The following WDR20 variants were observed in gnomAD, a reference collection of about 807,000 sequenced individuals.
WDR20 encodes the protein WD repeat-containing protein 20.
A neutral mutation model predicts 38.7 loss-of-function variants in WDR20; 3 were observed. That is an observed-to-expected ratio of 0.08 (90% CI 0.04 to 0.20). The LOEUF is 0.20. Among genes scored for constraint, WDR20 ranks in the 10% least tolerant of loss-of-function variants. The pLI is 1.00. For synonymous variants in WDR20, 298 were observed against 285.6 expected (o/e 1.04, Z -0.44); for missense variants, 559 against 727.7 (o/e 0.77, Z 2.67).
rs561312212 is a variant in WDR20 at position 102,169,684 on chromosome 14, C to T, written c.250-25254C>T. Among the ~76,000 whole-genome samples the T allele has an allele frequency of 4.6e-5, 7 of 152,222 alleles. No homozygotes were observed. The East Asian group carries it at 9.7e-4, about 21-fold the overall frequency. The stretch of plus-strand genomic sequence containing the variant: ...CTGGGATTACAGGCGCCTGCCACTA[C>T]ACCCGGCTTATTTTTGTATTTTTAG... On this transcript the variant is annotated intron_variant, in intron 1 of 2. Transcript: ENST00000342702.
chr14:102,166,952 C>T (rs1417982007), intron 1 of WDR20, among the ~76,000 whole-genome samples: 1 of 152,200 alleles, frequency 6.6e-6, no homozygotes, highest in African/African-American at 2.4e-5. Flanking sequence ...GTTGCTCCCT[C>T]TAATCTATTC....
chr14:102,166,442 CTG>C (rs911937054), intron 1 of WDR20, among the ~76,000 whole-genome samples: 3 of 152,118 alleles, frequency 2.0e-5, no homozygotes, highest in African/African-American at 7.2e-5. Context: ...TGACATATAT[CTG>C]TGCATGCATG....
At chr14:102,162,208 T>C (rs765194919) in intron 1 of WDR20, among the ~76,000 whole-genome samples, 1 of 152,214 alleles carries the variant, frequency 6.6e-6, no homozygotes, top group Non-Finnish European at 1.5e-5. Flanking sequence ...GACAAGCTCA[T>C]AGGAGAACCG....
In WDR20 at chr14:102,222,786, C is replaced by T. The variant is rs776683005; in HGVS notation, c.1693-44C>T. On this transcript the variant is annotated intron_variant, in intron 3 of 3. Coordinates refer to the WDR20 transcript ENST00000335263. The surrounding 1 kb of genome is among the most constrained non-coding windows in gnomAD (Gnocchi z 4.4). ...GAGGGCGCGCATGGTGGCTGTTGCC[C>T]GTCCGGTGTTTTGCTGGATTAATGT... 1.6e-5 allele frequency: 25 copies of T among 1,612,220 alleles called. No individual in the cohort carries two copies. The highest frequency in any genetic ancestry group is 3.3e-5 in the Admixed American group (2 of 59,966).
At chr14:102,195,267 T>C (rs1014317385) in intron 2 of WDR20, 147 bp downstream of exon 2, 1 of 858,838 alleles carries the variant, frequency 1.2e-6, no homozygotes, top group Non-Finnish European at 1.8e-6. Context: ...AGTTTAAATG[T>C]GGTGGATTAA....
intron 1 of WDR20, among the ~76,000 whole-genome samples, chr14:102,176,208 C>G (rs1476065941): frequency 6.6e-6 from 1 of 151,682 alleles, no homozygotes; most frequent in African/African-American, 2.4e-5. Flanking sequence ...TCCTGGCTGA[C>G]ATGGTGAAGC....
chr14:102,164,706 T>A (rs115976076), intron 1 of WDR20, among the ~76,000 whole-genome samples: 2,293 of 152,300 alleles, frequency 0.015, 65 homozygotes, highest in African/African-American at 0.052. Flanking sequence ...CAACTTTTTT[T>A]TATACATTTT....
intron 2 of WDR20, among the ~76,000 whole-genome samples, chr14:102,195,397 G>A (rs988351806): frequency 4.6e-5 from 7 of 152,176 alleles, no homozygotes; most frequent in Admixed American, 2.0e-4. Flanking sequence ...GGACAGTACT[G>A]TAACTCGGTA....
intron 1 of WDR20, among the ~76,000 whole-genome samples, chr14:102,169,212 G>C (rs968712226): frequency 7.8e-4 from 119 of 152,058 alleles, no homozygotes; most frequent in African/African-American, 2.8e-3. Context: ...CCCCTCCCCA[G>C]TGGCCATGGC....
chr14:102,182,243 A>G (rs2152884935), intron 1 of WDR20, among the ~76,000 whole-genome samples: 1 of 152,344 alleles, frequency 6.6e-6, no homozygotes, highest in Non-Finnish European at 1.5e-5. Context: ...CTCTGGGGAA[A>G]GCTATCTTTA....
intron 1 of WDR20, among the ~76,000 whole-genome samples, chr14:102,176,373 C>T (rs754475606): frequency 7.3e-5 from 11 of 150,730 alleles, no homozygotes; most frequent in Non-Finnish European, 1.6e-4. Context: ...CCAGCCTGGG[C>T]GACAGAGCGA....
intron 1 of WDR20, among the ~76,000 whole-genome samples, chr14:102,181,836 T>C (rs1218639795): frequency 6.6e-6 from 1 of 152,172 alleles, no homozygotes; most frequent in African/African-American, 2.4e-5. Context: ...ATGGTTGATT[T>C]TAGCCTTCAG....
At chr14:102,183,732 C>T (rs949414159) in intron 1 of WDR20, among the ~76,000 whole-genome samples, 1 of 152,208 alleles carries the variant, frequency 6.6e-6, no homozygotes, top group Non-Finnish European at 1.5e-5. Context: ...AGGATGGGAA[C>T]TCTTCTACCG....
intron 2 of WDR20, among the ~76,000 whole-genome samples, chr14:102,204,370 T>G (rs11160673): frequency 6.6e-6 from 1 of 152,084 alleles, no homozygotes; most frequent in East Asian, 1.9e-4. Flanking sequence ...TATTCAACAT[T>G]GAAATCACTA....
intron 1 of WDR20, among the ~76,000 whole-genome samples, chr14:102,161,012 A>G (rs1354130072): frequency 1.4e-5 from 2 of 144,790 alleles, no homozygotes; most frequent in Non-Finnish European, 3.0e-5. Flanking sequence ...ATAAATTTCC[A>G]GAGGAGGATC....
intron 1 of WDR20, among the ~76,000 whole-genome samples, chr14:102,172,316 C>G (rs1190567): frequency 0.68 from 101,499 of 148,518 alleles, 39,552 homozygotes; most frequent in East Asian, 0.92. Context: ...TCTTTCCACA[C>G]AGACACAGCA....
At chr14:102,193,475 G>A (rs767183560) in intron 1 of WDR20, 1 of 1,613,704 alleles carries the variant, frequency 6.2e-7, no homozygotes, top group Non-Finnish European at 8.5e-7. Flanking sequence ...AATCCCATGA[G>A]GTTGGTAGAA....
chr14:102,178,127 C>G (rs2062558878), intron 1 of WDR20, among the ~76,000 whole-genome samples: 1 of 152,148 alleles, frequency 6.6e-6, no homozygotes, highest in South Asian at 2.1e-4. Flanking sequence ...TGCAGTGGCT[C>G]ATGCCTGTAA....
intron 1 of WDR20, among the ~76,000 whole-genome samples, chr14:102,153,197 C>T (rs1435018650): frequency 1.3e-5 from 2 of 152,142 alleles, no homozygotes; most frequent in South Asian, 2.1e-4. Flanking sequence ...GCCCCCCCTT[C>T]ACCTTCTGCC....
Sources: gnomAD v4.1 joint callset for allele counts (sites outside exome capture counted in the v4.1 genomes callset) on GRCh38, gnomAD v4.1.1 for gene constraint, Gnocchi (gnomAD v3.1) non-coding constraint, MANE v1.5 for transcripts, NCBI Gene and HGNC (gene_info 2026-07-23, HGNC 2026-07-21) for gene names.